LDAH: variants seen among roughly 807,000 people sequenced by gnomAD.
LDAH encodes lipid droplet-associated hydrolase.
LDAH carries 26 observed loss-of-function variants against 29.6 expected under a neutral mutation model. That is an observed-to-expected ratio of 0.88 (90% CI 0.64 to 1.22). The LOEUF is 1.22. Ranked by LOEUF, LDAH falls within the 50% of genes most tolerant of loss-of-function variation. The probability of loss-of-function intolerance (pLI) is 0.00; values close to 1 mark genes in which losing one functional copy is unlikely to be tolerated. For missense variants in LDAH, 344 were observed against 387.3 expected (o/e 0.89, Z 0.94); for synonymous variants, 117 against 133.0 (o/e 0.88, Z 0.83).
At chr2:20,753,027 T>C (rs1040726330) in intron 4 of LDAH, among the ~76,000 whole-genome samples, 1 of 152,158 alleles carries the variant, frequency 6.6e-6, no homozygotes, top group African/African-American at 2.4e-5. Context: ...GCACCTTCAA[T>C]GTGAAACTCA....
chr2:20,717,202 A>T lies in LDAH; in HGVS notation c.704-15550T>A, dbSNP rs1300640111. On this transcript the variant is annotated intron_variant, in intron 5 of 6. Coordinates refer to ENST00000237822, the MANE Select transcript of LDAH (RefSeq NM_021925.4). ...TTTCATAACTTTGGGGTAGGAAAAG[A>T]TTCCTTTAGTAGGACACTACAACAC... 2.0e-5 allele frequency among the ~76,000 whole-genome samples: 3 copies of T among 152,344 alleles called. No homozygotes were observed. The East Asian group carries it at 5.8e-4, about 29-fold the overall frequency.
chr2:20,736,237 G>A (rs954253777), intron 5 of LDAH, among the ~76,000 whole-genome samples: 1 of 151,996 alleles, frequency 6.6e-6, no homozygotes, highest in Non-Finnish European at 1.5e-5. Context: ...AGGTTAGGAG[G>A]TTGAGACCAG....
At chr2:20,819,661 T>A (rs1017000762) in intron 1 of LDAH, among the ~76,000 whole-genome samples, 1 of 152,186 alleles carries the variant, frequency 6.6e-6, no homozygotes. Context: ...AATATCATAC[T>A]GAATGGGCAA....
At chr2:20,818,498 C>T (rs1673012122) in intron 1 of LDAH, among the ~76,000 whole-genome samples, 1 of 152,016 alleles carries the variant, frequency 6.6e-6, no homozygotes, top group Non-Finnish European at 1.5e-5. Flanking sequence ...TCCAGAATAA[C>T]ATGTAAGAAC....
intron 5 of LDAH, among the ~76,000 whole-genome samples, chr2:20,717,199 A>T (rs1665281732): frequency 6.6e-6 from 1 of 152,238 alleles, no homozygotes; most frequent in Non-Finnish European, 1.5e-5. Flanking sequence ...GGGGTAGGAA[A>T]AGATTCCTTT....
intron 5 of LDAH, among the ~76,000 whole-genome samples, chr2:20,718,175 C>T (rs1301922325): frequency 6.6e-6 from 1 of 152,034 alleles, no homozygotes; most frequent in African/African-American, 2.4e-5. Flanking sequence ...TCAATAATAA[C>T]ATTGAATGTA....
At chr2:20,783,803 C>T (rs994835423) in intron 3 of LDAH, among the ~76,000 whole-genome samples, 5 of 152,136 alleles carry the variant, frequency 3.3e-5, no homozygotes, top group African/African-American at 1.2e-4. Context: ...CCTCAACCTC[C>T]CGAGTTCAAG....
chr2:20,754,944 A>T (rs1050400240), intron 4 of LDAH, among the ~76,000 whole-genome samples: 7 of 152,214 alleles, frequency 4.6e-5, no homozygotes, highest in African/African-American at 1.7e-4. Flanking sequence ...CAAAATGGGA[A>T]TATGCAAGGT....
chr2:20,811,019 CT>C (rs1205753675), intron 1 of LDAH, among the ~76,000 whole-genome samples: 321 of 138,818 alleles, frequency 2.3e-3, no homozygotes, highest in Middle Eastern at 3.6e-3. Context: ...ATTCGACCTT[CT>C]TTTTTTTTTT....
At chr2:20,722,737 A>G (rs758814010) in intron 5 of LDAH, among the ~76,000 whole-genome samples, 6 of 152,248 alleles carry the variant, frequency 3.9e-5, no homozygotes, top group Non-Finnish European at 7.3e-5. Flanking sequence ...TCAAAGAAAA[A>G]GAACAATCTC....
At chr2:20,777,774 G>A (rs1282639979) in intron 3 of LDAH, among the ~76,000 whole-genome samples, 2 of 152,044 alleles carry the variant, frequency 1.3e-5, no homozygotes, top group African/African-American at 4.8e-5. Flanking sequence ...AAAATGAAAT[G>A]TTAAAAGACT....
At chr2:20,717,998 T>C (rs55961802) in intron 5 of LDAH, among the ~76,000 whole-genome samples, 36,124 of 152,164 alleles carry the variant, frequency 0.24, 4,860 homozygotes, top group East Asian at 0.36. Context: ...TTGTAAGCAC[T>C]ATAGTAACCC....
intron 1 of LDAH, among the ~76,000 whole-genome samples, chr2:20,822,806 G>A (rs886745367): frequency 6.6e-6 from 1 of 152,172 alleles, no homozygotes; most frequent in Non-Finnish European, 1.5e-5. Flanking sequence ...CTGCATTACC[G>A]CGCTCGGGTG....
At chr2:20,693,917 G>T (rs974196068) in intron 6 of LDAH, among the ~76,000 whole-genome samples, 60 of 152,256 alleles carry the variant, frequency 3.9e-4, no homozygotes, top group African/African-American at 1.2e-3. Flanking sequence ...CCAAAGAGGA[G>T]TGACACAGAT....
intron 6 of LDAH, among the ~76,000 whole-genome samples, chr2:20,697,287 G>T (rs1663563536): frequency 1.3e-5 from 2 of 152,092 alleles, no homozygotes; most frequent in East Asian, 3.9e-4. Context: ...CCAATATCCT[G>T]TTAGTACTCA....
At chr2:20,816,761 T>C (rs181312183) in intron 1 of LDAH, among the ~76,000 whole-genome samples, 1 of 151,760 alleles carries the variant, frequency 6.6e-6, no homozygotes, top group African/African-American at 2.4e-5. Context: ...CAACCAATAA[T>C]AACAGAATAC....
At chr2:20,729,530 T>C (rs1380516480) in intron 5 of LDAH, among the ~76,000 whole-genome samples, 1 of 152,214 alleles carries the variant, frequency 6.6e-6, no homozygotes, top group African/African-American at 2.4e-5. Context: ...CCTGGGACTC[T>C]GGGTCCTCAA....
chr2:20,795,848 G>A lies in LDAH; in HGVS notation c.155-5450C>T, dbSNP rs188424122. 5.9e-5 allele frequency among the ~76,000 whole-genome samples: 9 copies of A among 151,362 alleles called. No homozygotes were observed. In the South Asian group the frequency reaches 8.4e-4, roughly 14 times the overall value. On this transcript the variant is annotated intron_variant, in intron 2 of 6. Transcript: ENST00000237822. ...AATGTTATGTCAGTCTATCAGAGAC[G>A]GACATAACATGGTGTCCATAGTGGC...
intron 6 of LDAH, among the ~76,000 whole-genome samples, chr2:20,701,267 A>T (rs1277141895): frequency 6.6e-6 from 1 of 152,208 alleles, no homozygotes; most frequent in African/African-American, 2.4e-5. Flanking sequence ...TATTCTATAA[A>T]TATTATGGAG....
Sources: allele counts gnomAD v4.1 joint callset (sites outside exome capture counted in the v4.1 genomes callset), GRCh38; gene constraint gnomAD v4.1.1; transcripts MANE v1.5; gene names NCBI Gene and HGNC (gene_info 2026-07-23, HGNC 2026-07-21).